Variants in ELF1 observed in about 807,000 individuals in gnomAD.
The protein encoded by ELF1 is E74 like ETS transcription factor 1, also known as ETS-related transcription factor Elf-1.
ELF1 carries 24 observed loss-of-function variants against 59.9 expected under a neutral mutation model. The ratio of observed to expected loss-of-function variants is 0.40; its 90% CI spans 0.29 to 0.56. The LOEUF (loss-of-function observed/expected upper bound fraction) is 0.56, where lower values mean the gene tolerates loss of function less well. Ranked by LOEUF, ELF1 falls within the 20% of genes least tolerant of loss-of-function variation. ELF1 has a pLI of 0.44. For synonymous variants in ELF1, 248 were observed against 266.2 expected (o/e 0.93, Z 0.67); for missense variants, 627 against 742.2 (o/e 0.84, Z 1.80).
At chr13:41,023,786 T>C (rs1875778359), upstream of ELF1, among the ~76,000 whole-genome samples, 1 of 152,220 alleles carries the variant, frequency 6.6e-6, no homozygotes, top group Non-Finnish European at 1.5e-5. Context: ...CCATGGCTTT[T>C]GTCTGCACTA....
chr13:40,973,446 C>T (rs1872705004), intron 2 of ELF1, among the ~76,000 whole-genome samples: 1 of 152,084 alleles, frequency 6.6e-6, no homozygotes, highest in African/African-American at 2.4e-5. Flanking sequence ...TTGAAAATGA[C>T]CCTCTTTTTT....
chr13:41,014,651 AC>A (rs1875253884), intron 1 of ELF1, among the ~76,000 whole-genome samples: 1 of 152,148 alleles, frequency 6.6e-6, no homozygotes, highest in African/African-American at 2.4e-5. Flanking sequence ...ATTGGAGTTG[AC>A]TCAATAATGG....
intron 1 of ELF1, among the ~76,000 whole-genome samples, chr13:40,984,401 C>T (rs1873445964): frequency 6.6e-6 from 1 of 152,008 alleles, no homozygotes; most frequent in African/African-American, 2.4e-5. Flanking sequence ...CTCGTCTTTA[C>T]AAAAAATAAA....
At chr13:41,013,801 C>T (rs1875209663) in intron 1 of ELF1, among the ~76,000 whole-genome samples, 1 of 151,938 alleles carries the variant, frequency 6.6e-6, no homozygotes, top group South Asian at 2.1e-4. Context: ...CATTACAATA[C>T]TAAACTTCCA....
At chr13:41,007,399 T>C (rs1231497986) in intron 1 of ELF1, among the ~76,000 whole-genome samples, 1 of 152,156 alleles carries the variant, frequency 6.6e-6, no homozygotes, top group Non-Finnish European at 1.5e-5. Flanking sequence ...AGGAACTTCA[T>C]TTGAAGGCAC....
upstream of ELF1, among the ~76,000 whole-genome samples, chr13:41,022,830 G>A (rs1165684663): frequency 6.6e-6 from 1 of 152,170 alleles, no homozygotes; most frequent in Non-Finnish European, 1.5e-5. Context: ...AGTGAGCCGA[G>A]GTTGCACCAC....
chr13:40,969,152 G>A lies in ELF1; in HGVS notation c.73-10136C>T, dbSNP rs144364634. On this transcript the variant is annotated intron_variant, in intron 2 of 8. Coordinates refer to ENST00000239882, the MANE Select transcript of ELF1 (RefSeq NM_172373.4). ...CATAGTTTTACTGACTACAGGTGTA[G>A]TACATGAGTCTAGTTCTTAAAAATG... Among the ~76,000 whole-genome samples, 136 of 152,278 alleles carry A rather than the reference G, an allele frequency of 8.9e-4. 2 individuals are homozygous for A. In the East Asian group the frequency reaches 0.021, roughly 24 times the overall value.
chr13:40,951,479 T>A, intron 3 of ELF1, 43 bp from the exon 4 acceptor site: 5 of 1,491,928 alleles, frequency 3.4e-6, no homozygotes, highest in Non-Finnish European at 4.7e-6. Context: ...CTACGAGACA[T>A]CTGTTACTCT....
chr13:41,055,782 T>C (rs1877266556), intron 1 of ELF1, among the ~76,000 whole-genome samples: 1 of 151,800 alleles, frequency 6.6e-6, no homozygotes, highest in South Asian at 2.1e-4. Flanking sequence ...CCCCCCAGGT[T>C]CAAGCAATCC....
chr13:41,026,870 ACTGT>A (rs1277965215), intron 1 of ELF1, among the ~76,000 whole-genome samples: 2 of 152,204 alleles, frequency 1.3e-5, no homozygotes, highest in Non-Finnish European at 2.9e-5. Flanking sequence ...CTGGTGCTAC[ACTGT>A]CTTTTCTCAC....
At position 40,933,646 on chromosome 13, in the gene ELF1, G is replaced by A; in HGVS notation, c.1639C>T (p.His547Tyr). Reference protein sequence around the residue: ...FSPRSSQLVAHPPGTVITSVI... With the variant: ...FSPRSSQLVAYPPGTVITSVI... ...GAAGTGATTACAGTGCCAGGTGGGT[G>A]AGCAACCAGCTGTGAACTGCGAGGA... The change falls in exon 9 of 9, where the codon CAC (histidine) becomes TAC (tyrosine). Residue 547 changes from histidine (H) to tyrosine (Y), a missense_variant. Physicochemically the swap from His to Tyr is moderately conservative, Grantham distance 83. This residue lies in a region of ELF1 where 361 missense variants were observed against 396.1 expected (regional missense o/e 0.91). Coordinates refer to ENST00000239882, the MANE Select transcript of ELF1 (RefSeq NM_172373.4). The A allele has an allele frequency of 1.2e-6, 2 of 1,614,238 alleles. No individual in the cohort carries two copies. Among genetic ancestry groups the A allele is most frequent in the African/African-American group, 1.3e-5 (1 of 75,054 alleles).
At chr13:40,996,718 G>A (rs1874145399) in intron 1 of ELF1, among the ~76,000 whole-genome samples, 1 of 152,096 alleles carries the variant, frequency 6.6e-6, no homozygotes, top group Non-Finnish European at 1.5e-5. Context: ...GGAGGTATAT[G>A]GGAAATCTGT....
At chr13:40,956,015 G>T (rs1479919263) in intron 3 of ELF1, among the ~76,000 whole-genome samples, 3 of 145,324 alleles carry the variant, frequency 2.1e-5, no homozygotes, top group African/African-American at 7.5e-5. Flanking sequence ...CTGCCTGGCC[G>T]CCCCTACTGG....
rs144681244 is a variant in ELF1 at position 41,036,782 on chromosome 13, T to G, written c.-229+24056A>C. Among the ~76,000 whole-genome samples, 667 of 152,216 alleles carry G rather than the reference T, an allele frequency of 4.4e-3. 4 individuals carry two copies. Among genetic ancestry groups the G allele is most frequent in the South Asian group, 7.5e-3 (36 of 4,826 alleles). ...TGGAATACTATGCAGCCATAAAAAA[T>G]GATGAGTTCATGTCCTTTGTACAGA... On this transcript the variant is annotated intron_variant, in intron 1 of 1. Transcript: ENST00000405737.
At chr13:40,977,783 C>G (rs967867943) in intron 2 of ELF1, among the ~76,000 whole-genome samples, 4 of 151,978 alleles carry the variant, frequency 2.6e-5, no homozygotes, top group Non-Finnish European at 5.9e-5. Flanking sequence ...GGAGGATATC[C>G]TATCGGATAT....
intron 1 of ELF1, among the ~76,000 whole-genome samples, chr13:41,040,638 G>T (rs1876568283): frequency 6.6e-6 from 1 of 152,180 alleles, no homozygotes; most frequent in East Asian, 1.9e-4. Context: ...TCACAATACG[G>T]TTCATATTCC....
chr13:41,055,064 CTGA>C (rs1877235227), intron 1 of ELF1, among the ~76,000 whole-genome samples: 1 of 152,168 alleles, frequency 6.6e-6, no homozygotes, highest in Admixed American at 6.5e-5. Context: ...TGCTTCAAGT[CTGA>C]TGATACAGAG....
intron 1 of ELF1, among the ~76,000 whole-genome samples, chr13:41,049,110 C>T (rs150373108): frequency 1.1e-3 from 170 of 152,260 alleles, no homozygotes; most frequent in African/African-American, 3.8e-3. Context: ...TTCTCTGCCC[C>T]ACCTCCTCAC....
At chr13:40,990,792 C>A (rs1227009139) in intron 1 of ELF1, among the ~76,000 whole-genome samples, 1 of 138,070 alleles carries the variant, frequency 7.2e-6, no homozygotes, top group Non-Finnish European at 1.5e-5. Context: ...ACGGAGGGTG[C>A]AGTGAGCTGA....
Sources: allele counts gnomAD v4.1 joint callset (sites outside exome capture counted in the v4.1 genomes callset), GRCh38; gene constraint gnomAD v4.1.1; regional missense constraint gnomAD v4.1.1; transcripts MANE v1.5; gene names NCBI Gene and HGNC (gene_info 2026-07-23, HGNC 2026-07-21).